The following RALGPS1 variants were observed in gnomAD, a reference collection of about 807,000 sequenced individuals.
RALGPS1 encodes Ral GEF with PH domain and SH3 binding motif 1.
RALGPS1 carries 19 observed loss-of-function variants against 78.8 expected under a neutral mutation model. The ratio of observed to expected loss-of-function variants is 0.24; its 90% CI spans 0.17 to 0.35. The LOEUF is 0.35. RALGPS1 is among the 10% of genes least tolerant of loss of function. The pLI, the probability that RALGPS1 is intolerant of heterozygous loss-of-function variation, is 1.00. For missense variants in RALGPS1, 454 were observed against 688.3 expected (o/e 0.66, Z 3.81); for synonymous variants, 228 against 256.3 (o/e 0.89, Z 1.06).
Position 127,195,022 on chromosome 9 carries a change from A to G in RALGPS1, c.911-69A>G. 5 of 1,582,858 alleles carry G rather than the reference A, an allele frequency of 3.2e-6. No homozygotes were observed. In the South Asian group the frequency reaches 3.3e-5, roughly 11 times the overall value. ...ACCCGGGGCCCACCTCCACACCTCA[A>G]CCCAGCCTGTGCAGCCCCTCACCCT... On this transcript the variant is annotated intron_variant, in intron 11 of 18. Coordinates refer to ENST00000259351, the MANE Select transcript of RALGPS1 (RefSeq NM_014636.3).
At chr9:127,156,374 G>A (rs2058709718) in intron 8 of RALGPS1, among the ~76,000 whole-genome samples, 1 of 152,006 alleles carries the variant, frequency 6.6e-6, no homozygotes, top group African/African-American at 2.4e-5. Context: ...CCTCCCAAAA[G>A]TTTCTATCAA....
At chr9:127,067,608 T>G (rs1489582955) in intron 7 of RALGPS1, among the ~76,000 whole-genome samples, 1 of 152,220 alleles carries the variant, frequency 6.6e-6, no homozygotes, top group Non-Finnish European at 1.5e-5. Flanking sequence ...ACAATGGGGC[T>G]TTTGAACACT....
At chr9:127,089,006 C>T (rs753991177) in intron 8 of RALGPS1, 63 of 1,614,070 alleles carry the variant, frequency 3.9e-5, no homozygotes, top group Middle Eastern at 1.6e-4. Flanking sequence ...AGAGCCTCCT[C>T]GGAACTCAGC....
chr9:126,986,987 A>C (rs2041861318), intron 4 of RALGPS1, among the ~76,000 whole-genome samples: 1 of 152,202 alleles, frequency 6.6e-6, no homozygotes, highest in Non-Finnish European at 1.5e-5. Flanking sequence ...GCAAGCTCCT[A>C]GTCATGCGTG....
intron 10 of RALGPS1, among the ~76,000 whole-genome samples, chr9:127,169,912 T>A (rs1261401675): frequency 6.6e-6 from 1 of 152,250 alleles, no homozygotes; most frequent in Non-Finnish European, 1.5e-5. Context: ...TTAAATGTAT[T>A]AAATGCATTT....
intron 1 of RALGPS1, among the ~76,000 whole-genome samples, chr9:126,927,365 G>C (rs569829091): frequency 2.0e-5 from 3 of 152,260 alleles, no homozygotes; most frequent in African/African-American, 4.8e-5. Flanking sequence ...TGGGCAGCTA[G>C]GAAGAAAGAC....
intron 7 of RALGPS1, among the ~76,000 whole-genome samples, chr9:127,056,350 C>G (rs956919813): frequency 1.5e-4 from 23 of 152,108 alleles, no homozygotes; most frequent in African/African-American, 5.1e-4. Context: ...TGGCAACTGC[C>G]ACAGTATTGT....
At chr9:127,213,735 C>T (rs1275014929) in intron 17 of RALGPS1, 1 of 152,540 alleles carries the variant, frequency 6.6e-6, no homozygotes, top group East Asian at 1.9e-4. Flanking sequence ...CATTTTCACA[C>T]CTTAACAGGA....
intron 8 of RALGPS1, among the ~76,000 whole-genome samples, chr9:127,111,595 G>C (rs1205229141): frequency 6.6e-6 from 1 of 152,190 alleles, no homozygotes; most frequent in Non-Finnish European, 1.5e-5. Context: ...GCAGAGGAGG[G>C]CCTATGTGTG....
intron 11 of RALGPS1, among the ~76,000 whole-genome samples, chr9:127,185,999 G>A (rs1019585015): frequency 6.6e-6 from 1 of 152,202 alleles, no homozygotes; most frequent in African/African-American, 2.4e-5. Flanking sequence ...GCAGACACAG[G>A]TGGTGGACCA....
intron 8 of RALGPS1, among the ~76,000 whole-genome samples, chr9:127,136,458 C>T (rs1038475841): frequency 6.6e-5 from 10 of 152,194 alleles, no homozygotes; most frequent in African/African-American, 1.9e-4. Flanking sequence ...GAGGCTTCCT[C>T]CTCCACCACT....
At chr9:127,201,223 C>G (rs1312921943) in intron 14 of RALGPS1, among the ~76,000 whole-genome samples, 6 of 152,370 alleles carry the variant, frequency 3.9e-5, no homozygotes, top group African/African-American at 1.4e-4. Flanking sequence ...CTTCCAAGCA[C>G]TGGTCTCATG....
chr9:127,016,600 C>G (rs2044851673), intron 4 of RALGPS1: 1 of 152,224 alleles, frequency 6.6e-6, no homozygotes, highest in Non-Finnish European at 1.5e-5. Context: ...CCCGAGGCCT[C>G]TAACAGTTGC....
intron 7 of RALGPS1, among the ~76,000 whole-genome samples, chr9:127,058,198 A>T (rs373792143): frequency 6.6e-6 from 1 of 152,234 alleles, no homozygotes; most frequent in Admixed American, 6.5e-5. Context: ...TCAGCGTGCC[A>T]GGAGGAGATG....
At chr9:127,041,127 T>C (rs2047279496) in intron 5 of RALGPS1, among the ~76,000 whole-genome samples, 1 of 151,650 alleles carries the variant, frequency 6.6e-6, no homozygotes, top group Non-Finnish European at 1.5e-5. Context: ...AGTCTTGCTC[T>C]GTTGCCCAGG....
intron 8 of RALGPS1, among the ~76,000 whole-genome samples, chr9:127,121,119 G>A (rs1426986879): frequency 6.6e-6 from 1 of 152,198 alleles, no homozygotes; most frequent in Non-Finnish European, 1.5e-5. Context: ...CTATAAAACA[G>A]GGATGAATAA....
intron 3 of RALGPS1, among the ~76,000 whole-genome samples, chr9:126,973,936 G>C (rs546497088): frequency 6.6e-6 from 1 of 152,070 alleles, no homozygotes; most frequent in Admixed American, 6.6e-5. Flanking sequence ...GCAGTGGTGC[G>C]ATTTCGGCTC....
At chr9:127,167,966 G>C (rs2059376249) in intron 9 of RALGPS1, among the ~76,000 whole-genome samples, 3 of 152,234 alleles carry the variant, frequency 2.0e-5, no homozygotes, top group Admixed American at 2.0e-4. Flanking sequence ...TCCATCACCT[G>C]AAGTCCCAAC....
At chr9:126,995,533 C>T (rs941761251) in intron 4 of RALGPS1, among the ~76,000 whole-genome samples, 22 of 152,008 alleles carry the variant, frequency 1.4e-4, no homozygotes, top group African/African-American at 2.2e-4. Context: ...TCATAAAGCA[C>T]GTCCTTAGTG....
Sources: allele counts gnomAD v4.1 joint callset (sites outside exome capture counted in the v4.1 genomes callset), GRCh38; gene constraint gnomAD v4.1.1; transcripts MANE v1.5; gene names NCBI Gene and HGNC (gene_info 2026-07-23, HGNC 2026-07-21).